The following SNTG2 variants were observed in gnomAD, a reference collection of about 807,000 sequenced individuals.
SNTG2 encodes gamma-2-syntrophin.
In SNTG2, 74 loss-of-function variants were observed where a neutral mutation model predicts 70.9. The observed-to-expected ratio is 1.04, with a 90% CI of 0.86 to 1.27. The LOEUF (loss-of-function observed/expected upper bound fraction) is 1.27, where lower values mean the gene tolerates loss of function less well. SNTG2 is among the 50% of genes most tolerant of loss of function. The pLI is 0.00. For synonymous variants in SNTG2, 278 were observed against 273.8 expected, an observed-to-expected ratio of 1.02 and a Z score of -0.15; for missense variants, 717 against 690.7, an observed-to-expected ratio of 1.04 and a Z score of -0.43.
At chr2:1,332,413 C>T (rs1659582131) in intron 16 of SNTG2, among the ~76,000 whole-genome samples, 1 of 152,056 alleles carries the variant, frequency 6.6e-6, no homozygotes, top group Admixed American at 6.6e-5. Flanking sequence ...CGGAATCCTC[C>T]CTAAACCATT....
At chr2:1,306,795 T>G (rs1680696221) in intron 14 of SNTG2, among the ~76,000 whole-genome samples, 1 of 151,532 alleles carries the variant, frequency 6.6e-6, no homozygotes, top group African/African-American at 2.4e-5. Flanking sequence ...TCTGTGTGTG[T>G]GAGCCACATG....
chr2:1,307,567 C>A (rs1680756693), intron 14 of SNTG2, among the ~76,000 whole-genome samples: 1 of 152,058 alleles, frequency 6.6e-6, no homozygotes. Context: ...GGCTCAGAGA[C>A]AGGCCCAGAA....
intron 1 of SNTG2, among the ~76,000 whole-genome samples, chr2:1,056,316 C>T (rs60987980): frequency 5.2e-5 from 1 of 19,354 alleles, no homozygotes; most frequent in Non-Finnish European, 8.2e-5. Context: ...AGGGAGAGGC[C>T]GCGCCGTGCT....
chr2:1,198,615 A>C (rs1223391856), intron 8 of SNTG2, among the ~76,000 whole-genome samples: 2 of 152,130 alleles, frequency 1.3e-5, no homozygotes, highest in Non-Finnish European at 2.9e-5. Flanking sequence ...AAGATTAATA[A>C]AAGTTTTTTA....
At chr2:1,350,854 G>T (rs1046715290) in intron 16 of SNTG2, among the ~76,000 whole-genome samples, 2 of 152,092 alleles carry the variant, frequency 1.3e-5, no homozygotes, top group African/African-American at 4.8e-5. Context: ...TATTTTGAGT[G>T]AATAGGGACA....
chr2:1,196,817 C>T (rs1672937704), intron 8 of SNTG2, among the ~76,000 whole-genome samples: 1 of 152,098 alleles, frequency 6.6e-6, no homozygotes, highest in Non-Finnish European at 1.5e-5. Context: ...ATGAAGTCTT[C>T]TCAGACAAGC....
intron 2 of SNTG2, among the ~76,000 whole-genome samples, chr2:1,093,985 A>G (rs1371526086): frequency 4.3e-5 from 4 of 93,160 alleles, no homozygotes; most frequent in Non-Finnish European, 8.4e-5. Context: ...CCTGGACTGC[A>G]GGCGAAGGCC....
intron 6 of SNTG2, among the ~76,000 whole-genome samples, chr2:1,154,767 A>G (rs1273960071): frequency 6.6e-6 from 1 of 152,030 alleles, no homozygotes; most frequent in Non-Finnish European, 1.5e-5. Context: ...TGGCTGAGAA[A>G]CTCAGAGCCC....
intron 1 of SNTG2, among the ~76,000 whole-genome samples, chr2:1,028,551 C>A (rs11127447): frequency 0.83 from 126,304 of 152,158 alleles, 53,576 homozygotes; most frequent in African/African-American, 0.96. Context: ...CAGTCACTTA[C>A]AATGTCCAAA....
chr2:1,027,112 C>G (rs1325379404), intron 1 of SNTG2, among the ~76,000 whole-genome samples: 1 of 152,188 alleles, frequency 6.6e-6, no homozygotes, highest in Non-Finnish European at 1.5e-5. Context: ...GCTTCTTGCA[C>G]ACCCTAAAAA....
At chr2:1,238,043 C>T in intron 10 of SNTG2, 26 bp downstream of exon 10, 1 of 1,589,990 alleles carries the variant, frequency 6.3e-7, no homozygotes, top group East Asian at 2.3e-5. Context: ...TTCTGAGTCT[C>T]TGCTGATGCT....
At chr2:1,090,256 T>G (rs550442970) in intron 2 of SNTG2, among the ~76,000 whole-genome samples, 3 of 152,236 alleles carry the variant, frequency 2.0e-5, no homozygotes, top group Non-Finnish European at 4.4e-5. Flanking sequence ...CATTCTTAGT[T>G]GGATGTAAGT....
intron 1 of SNTG2, chr2:1,059,054 T>C (rs1662645032): frequency 6.6e-6 from 1 of 152,320 alleles, no homozygotes; most frequent in Admixed American, 6.5e-5. Flanking sequence ...CTTGTCCCAG[T>C]TGCTGCTTCA....
intron 4 of SNTG2, among the ~76,000 whole-genome samples, chr2:1,099,840 C>T (rs1665666950): frequency 6.6e-6 from 1 of 152,206 alleles, no homozygotes; most frequent in Non-Finnish European, 1.5e-5. Flanking sequence ...ATGAAATTTG[C>T]ATCCGGGTAA....
chr2:1,174,800 A>T (rs1185479508), intron 8 of SNTG2, among the ~76,000 whole-genome samples: 1 of 151,916 alleles, frequency 6.6e-6, no homozygotes, highest in Non-Finnish European at 1.5e-5. Flanking sequence ...TACTGTTTCT[A>T]TTTGTATTTT....
intron 7 of SNTG2, among the ~76,000 whole-genome samples, chr2:1,170,111 C>T (rs530980350): frequency 4.6e-5 from 7 of 152,040 alleles, no homozygotes; most frequent in African/African-American, 9.6e-5. Flanking sequence ...CAGATCTGTG[C>T]GGAAAATGTC....
At chr2:1,127,518 G>A (rs746276922) in intron 4 of SNTG2, among the ~76,000 whole-genome samples, 8 of 151,980 alleles carry the variant, frequency 5.3e-5, no homozygotes, top group Non-Finnish European at 7.4e-5. Flanking sequence ...GATAGGGTTT[G>A]CATTTAATTT....
intron 9 of SNTG2, among the ~76,000 whole-genome samples, chr2:1,237,441 A>G (rs906339610): frequency 6.6e-6 from 1 of 151,946 alleles, no homozygotes. Context: ...GTGGAAGGGG[A>G]CTATGTTCTC....
rs1242829771 is a variant in SNTG2, at chr2:1,072,332, C to CTTTTTTTTTTTT, written c.73-11182_73-11181insTTTTTTTTTTTT. ...AGCCAGTGATTTTCTTTTTCTTTTT[C>CTTTTTTTTTTTT]TTTTCTTTTTCTTTTTCTTTTTTTT... On this transcript the variant is annotated intron_variant, in intron 1 of 16. Coordinates refer to ENST00000308624, the MANE Select transcript of SNTG2 (RefSeq NM_018968.4). 2.0e-5 allele frequency among the ~76,000 whole-genome samples: 2 copies of CTTTTTTTTTTTT among 100,380 alleles called. 1 individual carries two copies. The highest frequency in any genetic ancestry group is 7.7e-5 in the African/African-American group (2 of 25,982). The allele number at this position is 100,380 out of a possible 152,430, so 65.9% of individuals were successfully genotyped here. A position where few individuals can be genotyped will look rare whatever the true frequency, so the allele number is the denominator to read the frequency against.
Sources: gnomAD v4.1 joint callset for allele counts (sites outside exome capture counted in the v4.1 genomes callset) on GRCh38, gnomAD v4.1.1 for gene constraint, MANE v1.5 for transcripts, NCBI Gene and HGNC (gene_info 2026-07-23, HGNC 2026-07-21) for gene names.